PTPRU: variants seen among roughly 807,000 people sequenced by gnomAD.
The protein encoded by PTPRU is protein tyrosine phosphatase receptor type U.
PTPRU carries 69 observed loss-of-function variants against 166.3 expected under a neutral mutation model. The observed-to-expected ratio is 0.41, with a 90% confidence interval of 0.34 to 0.51. The LOEUF is 0.51. PTPRU is among the 20% of genes least tolerant of loss of function. The pLI is 0.09. For synonymous variants in PTPRU, 793 were observed against 814.0 expected (o/e 0.97, Z 0.44); for missense variants, 1,657 against 2,013.7 (o/e 0.82, Z 3.39).
At position 29,277,803 on chromosome 1, in the gene PTPRU, C is replaced by CTTTTTTTTTTTTTTTTTTTTTTTTTTT. The variant is rs71586898; in HGVS notation, c.1454-1202_1454-1176dup. On this transcript the variant is annotated intron_variant, in intron 8 of 29. Coordinates refer to ENST00000373779, the MANE Select transcript of PTPRU (RefSeq NM_133178.4). Reference sequence around the variant, plus strand: ...ACCATCTGGCTTCACAGTTGTCATTCTTTTTTTTTTTTTTTTTTTTTTTTT... The same window carrying CTTTTTTTTTTTTTTTTTTTTTTTTTTT: ...ACCATCTGGCTTCACAGTTGTCATTCTTTTTTTTTTTTTTTTTTTTTTTTTTTTTTTTTTTTTTTTTTTTTTTTTTTT... Among the ~76,000 whole-genome samples the CTTTTTTTTTTTTTTTTTTTTTTTTTTT allele has an allele frequency of 2.4e-4, 12 of 50,590 alleles. 4 individuals carry two copies. Among genetic ancestry groups the CTTTTTTTTTTTTTTTTTTTTTTTTTTT allele is most frequent in the African/African-American group, 6.4e-4 (7 of 10,910 alleles). 33.2% of individuals were successfully genotyped at this position (50,590 alleles called of 152,430 possible). A position where few individuals can be genotyped will look rare whatever the true frequency, so the allele number is the denominator to read the frequency against.
rs757545788 is a variant in PTPRU, at chr1:29,287,367, T to C, written c.2318+2498T>C. ...CTGCACTTTGTCATTTACTTACTTG[T>C]AGTGTTTTGCTCAATGCTTGCCTCC... On this transcript the variant is annotated intron_variant, in intron 14 of 29. Transcript: ENST00000373779. Among the ~76,000 whole-genome samples the C allele has an allele frequency of 1.1e-4, 16 of 152,076 alleles. 1 individual carries two copies. The highest frequency in any genetic ancestry group is 2.4e-4 in the Non-Finnish European group (16 of 67,988).
chr1:29,278,884 T>G, intron 8 of PTPRU, 128 bp from the exon 9 acceptor site: 1 of 664,186 alleles, frequency 1.5e-6, no homozygotes, highest in Non-Finnish European at 2.6e-6. Flanking sequence ...ACAGCTGAGT[T>G]AAGTAAGGTG....
intron 1 of PTPRU, among the ~76,000 whole-genome samples, chr1:29,250,696 T>C (rs1434222607): frequency 2.0e-5 from 3 of 152,194 alleles, no homozygotes; most frequent in Non-Finnish European, 4.4e-5. Flanking sequence ...CCATTCTTGC[T>C]CTGAACTCAA....
At chr1:29,276,623 C>T (rs1240139452) in intron 8 of PTPRU, among the ~76,000 whole-genome samples, 6 of 152,070 alleles carry the variant, frequency 3.9e-5, no homozygotes, top group Non-Finnish European at 7.4e-5. Flanking sequence ...TGCCAATATT[C>T]TTTTATTATA....
chr1:29,265,810 C>T (rs1326516812), intron 7 of PTPRU, among the ~76,000 whole-genome samples: 2 of 151,830 alleles, frequency 1.3e-5, no homozygotes, highest in Admixed American at 6.6e-5. Flanking sequence ...TTCTAGGTAC[C>T]AGTCCTTTGT....
At chr1:29,293,619 C>T (rs942596586) in intron 15 of PTPRU, among the ~76,000 whole-genome samples, 25 of 152,116 alleles carry the variant, frequency 1.6e-4, no homozygotes, top group African/African-American at 3.9e-4. Context: ...GGACTACAGG[C>T]GCCCGCCACT....
At position 29,304,048 on chromosome 1, in the gene PTPRU, G is replaced by A; in HGVS notation, c.2667+3G>A. 6.3e-7 allele frequency: 1 copy of A among 1,598,926 alleles called. No homozygotes were observed. The highest frequency in any genetic ancestry group is 8.6e-7 in the Non-Finnish European group (1 of 1,169,216). On this transcript the variant is annotated splice_donor_region_variant and intron_variant, in intron 16 of 29. Transcript: ENST00000373779. ...ACGGCTTCAAGCAGGAGTATGAGGT[G>A]CACGCCGGCCCCGGGCCAGCAGGAT... is the stretch of plus-strand genomic sequence containing the variant.
At chr1:29,310,471 C>A (rs138145391) in intron 18 of PTPRU, among the ~76,000 whole-genome samples, 113 of 152,230 alleles carry the variant, frequency 7.4e-4, no homozygotes, top group African/African-American at 2.6e-3. Flanking sequence ...GGTGGGGGGT[C>A]CCTCTAGGCA....
At chr1:29,313,822 T>C (rs920949642) in intron 22 of PTPRU, among the ~76,000 whole-genome samples, 2 of 152,086 alleles carry the variant, frequency 1.3e-5, no homozygotes, top group South Asian at 4.2e-4. Context: ...ACCACTGTAC[T>C]CCAGCCTGGG....
chr1:29,259,912 A>C lies in PTPRU; in HGVS notation c.718A>C (p.Ile240Leu). The C allele has an allele frequency of 1.3e-6, 2 of 1,532,274 alleles. No individual in the cohort carries two copies. The highest frequency in any genetic ancestry group is 1.7e-6 in the Non-Finnish European group (2 of 1,145,748). The allele number at this position is 1,532,274 out of a possible 1,614,324, so 94.9% of individuals were successfully genotyped here. A position where few individuals can be genotyped will look rare whatever the true frequency, so the allele number is the denominator to read the frequency against. ...GGTGCCGGCGGCGGGCGTGCGGCAC[A>C]TCAGCCACCGGCGCTTCCTGGCCAC... Reference protein sequence around the residue: ...ALVPAAGVRHISHRRFLATFP... With the variant: ...ALVPAAGVRHLSHRRFLATFP... Residue 240 changes from isoleucine (I) to leucine (L), a missense_variant, in exon 6 of 30, where the codon ATC (isoleucine) becomes CTC (leucine). Physicochemically the swap from Ile to Leu is conservative, Grantham distance 5. Around this residue, in one of 3 missense-constraint regions of PTPRU, gnomAD observed 453 missense variants for 496.9 expected, o/e 0.91. Transcript: ENST00000373779.
chr1:29,278,960 G>T (rs1274111616), intron 8 of PTPRU, 52 bp from the exon 9 acceptor site: 8 of 1,432,444 alleles, frequency 5.6e-6, no homozygotes, highest in Non-Finnish European at 7.7e-6. Flanking sequence ...AAACCCAGGT[G>T]TCTGGCACCA....
intron 15 of PTPRU, among the ~76,000 whole-genome samples, chr1:29,297,300 C>A (rs1050038958): frequency 2.0e-5 from 3 of 151,422 alleles, no homozygotes; most frequent in African/African-American, 7.3e-5. Flanking sequence ...AGTGATCCAC[C>A]CGTCTTGGCC....
chr1:29,268,892 G>A (rs1261670848), intron 7 of PTPRU, among the ~76,000 whole-genome samples: 1 of 152,182 alleles, frequency 6.6e-6, no homozygotes, highest in African/African-American at 2.4e-5. Flanking sequence ...TCATGATGAC[G>A]GCTGTTGATT....
At chr1:29,298,266 A>G (rs1047696170) in intron 15 of PTPRU, among the ~76,000 whole-genome samples, 2 of 137,368 alleles carry the variant, frequency 1.5e-5, no homozygotes, top group African/African-American at 5.9e-5. Context: ...CTGTCTCAAA[A>G]AAAAAAAGAC....
rs1348880020 is a variant in PTPRU at position 29,316,083 on chromosome 1, G to C, written c.3445G>C (p.Ala1149Pro). The change falls in exon 24 of 30, where the codon GCC (alanine) becomes CCC (proline). Residue 1149 changes from alanine to proline, a missense_variant. Physicochemically the swap from Ala to Pro is conservative, Grantham distance 27 (BLOSUM62 -1). This residue lies in a region of PTPRU where 1,190 missense variants were observed against 1,477.4 expected (regional missense o/e 0.81). Transcript: ENST00000373779. ...ETTIPVSEFK[A>P]TYKEMIRIDP... ...CACCATCCCTGTCAGTGAGTTCAAGGCCACCTACAAGGAGATGATCCGCAT... is the reference window on the plus strand; with the variant it reads ...CACCATCCCTGTCAGTGAGTTCAAGCCCACCTACAAGGAGATGATCCGCAT... The C allele has an allele frequency of 1.2e-6, 2 of 1,614,166 alleles. No homozygotes were observed. The highest frequency in any genetic ancestry group is 1.7e-6 in the Non-Finnish European group (2 of 1,180,030).
chr1:29,253,176 C>CT (rs2151942764), intron 1 of PTPRU, among the ~76,000 whole-genome samples: 1 of 152,320 alleles, frequency 6.6e-6, no homozygotes, highest in South Asian at 2.1e-4. Flanking sequence ...ATGGAGCTTC[C>CT]TTGCCCTTTC....
intron 11 of PTPRU, among the ~76,000 whole-genome samples, chr1:29,281,987 T>G (rs1408977560): frequency 6.6e-6 from 1 of 152,218 alleles, no homozygotes; most frequent in East Asian, 1.9e-4. Context: ...GAAACACAGC[T>G]GGGACCAGGG....
chr1:29,237,226 G>A lies in PTPRU; in HGVS notation c.73+509G>A, dbSNP rs1683809784. ...CCTGAGTGTGGATCCGGGAACGCGT[G>A]TGTGGCGTGTGTGCTTTTGAGATCC... On this transcript the variant is annotated intron_variant, in intron 1 of 29. Coordinates refer to ENST00000373779, the MANE Select transcript of PTPRU (RefSeq NM_133178.4). The surrounding 1 kb of genome is among the most constrained non-coding windows in gnomAD (Gnocchi z 6.4). Among the ~76,000 whole-genome samples, 1 of 151,112 alleles carries A rather than the reference G, an allele frequency of 6.6e-6. No homozygotes were observed. The highest frequency in any genetic ancestry group is 2.4e-5 in the African/African-American group (1 of 40,996).
intron 8 of PTPRU, among the ~76,000 whole-genome samples, chr1:29,276,302 C>T (rs1344515340): frequency 6.6e-6 from 1 of 151,774 alleles, no homozygotes; most frequent in African/African-American, 2.4e-5. Flanking sequence ...TACAGGCATG[C>T]ACCACCACGC....
Sources: gnomAD v4.1 joint callset for allele counts (sites outside exome capture counted in the v4.1 genomes callset) on GRCh38, gnomAD v4.1.1 for gene constraint, gnomAD v4.1.1 regional missense constraint, Gnocchi (gnomAD v3.1) non-coding constraint, MANE v1.5 for transcripts, NCBI Gene and HGNC (gene_info 2026-07-23, HGNC 2026-07-21) for gene names.